EPHA5: variants seen among roughly 807,000 people sequenced by gnomAD.
EPHA5 encodes EPH receptor A5, also known as ephrin type-A receptor 5.
A neutral mutation model predicts 105.0 loss-of-function variants in EPHA5; 60 were observed. The observed-to-expected ratio is 0.57, with a 90% CI of 0.46 to 0.71. The LOEUF (loss-of-function observed/expected upper bound fraction) is 0.71. EPHA5 is among the 30% of genes least tolerant of loss of function. EPHA5 has a pLI of 0.00. For synonymous variants in EPHA5, 513 were observed against 449.1 expected (o/e 1.14, Z -1.80); for missense variants, 1,218 against 1,274.7 (o/e 0.96, Z 0.68).
chr4:65,453,822 C>T (rs529670255), intron 5 of EPHA5, among the ~76,000 whole-genome samples: 1 of 152,312 alleles, frequency 6.6e-6, no homozygotes, highest in African/African-American at 2.4e-5. Context: ...TCTGTCAAGT[C>T]ACCCACTTTT....
At chr4:65,595,737 C>A (rs181691105) in intron 3 of EPHA5, among the ~76,000 whole-genome samples, 1 of 151,988 alleles carries the variant, frequency 6.6e-6, no homozygotes, top group Non-Finnish European at 1.5e-5. Flanking sequence ...CCCGCCACCA[C>A]GCCGGGCTAA....
chr4:65,412,501 T>C (rs995527389), intron 7 of EPHA5, among the ~76,000 whole-genome samples: 43 of 152,278 alleles, frequency 2.8e-4, no homozygotes, highest in African/African-American at 9.9e-4. Flanking sequence ...ATACATTCAT[T>C]CTTTAAAAAG....
At chr4:65,354,282 A>G (rs1481061774) in intron 11 of EPHA5, among the ~76,000 whole-genome samples, 1 of 151,856 alleles carries the variant, frequency 6.6e-6, no homozygotes, top group African/African-American at 2.4e-5. Flanking sequence ...GACCAAGAGA[A>G]TAGATCATCT....
chr4:65,390,811 G>C (rs1038583811), intron 8 of EPHA5, among the ~76,000 whole-genome samples: 21 of 152,012 alleles, frequency 1.4e-4, no homozygotes, highest in African/African-American at 5.1e-4. Flanking sequence ...CCATTTTTCT[G>C]TGAGATTAAA....
At chr4:65,397,072 G>A (rs573598973) in intron 8 of EPHA5, among the ~76,000 whole-genome samples, 1 of 152,358 alleles carries the variant, frequency 6.6e-6, no homozygotes, top group Admixed American at 6.5e-5. Context: ...TGGACAGCAG[G>A]AGGAGGCCAC....
At chr4:65,580,746 T>C (rs1196735490) in intron 3 of EPHA5, among the ~76,000 whole-genome samples, 1 of 151,138 alleles carries the variant, frequency 6.6e-6, no homozygotes, top group Non-Finnish European at 1.5e-5. Flanking sequence ...CAGACCCTTA[T>C]CAGCCTGGAG....
chr4:65,467,114 C>A (rs2149147986), intron 5 of EPHA5, among the ~76,000 whole-genome samples: 1 of 152,216 alleles, frequency 6.6e-6, no homozygotes, highest in East Asian at 1.9e-4. Flanking sequence ...ATTTGTCTTC[C>A]AATGGACCAC....
intron 3 of EPHA5, among the ~76,000 whole-genome samples, chr4:65,547,904 T>C (rs1560680685): frequency 6.6e-6 from 1 of 152,024 alleles, no homozygotes. Context: ...CTTCAGATTA[T>C]CAAAATTCCT....
chr4:65,527,251 A>G (rs1204456828), intron 3 of EPHA5, among the ~76,000 whole-genome samples: 5 of 152,158 alleles, frequency 3.3e-5, no homozygotes, highest in Non-Finnish European at 2.9e-5. Context: ...GAAAGAACCT[A>G]TAATAGAATA....
Position 65,501,906 on chromosome 4 carries a change from C to T in EPHA5, c.911-6363G>A, listed in dbSNP as rs370544132. 5.2e-4 allele frequency among the ~76,000 whole-genome samples: 79 copies of T among 151,672 alleles called. No individual in the cohort carries two copies. The South Asian group carries it at 5.6e-3, about 11-fold the overall frequency. The stretch of plus-strand genomic sequence containing the variant: ...CACGGTACTGGTAGAAAAACAGACA[C>T]ATAAACGAATGGAACATAATAGAGA... On this transcript the variant is annotated intron_variant, in intron 3 of 16. Transcript: ENST00000613740.
intron 16 of EPHA5, chr4:65,330,961 C>T (rs1720558324): frequency 7.7e-6 from 8 of 1,043,650 alleles, no homozygotes; most frequent in African/African-American, 1.7e-5. Flanking sequence ...AATGGTGGTA[C>T]CCTGTTACCT....
At chr4:65,546,052 A>G (rs993939735) in intron 3 of EPHA5, among the ~76,000 whole-genome samples, 1 of 151,982 alleles carries the variant, frequency 6.6e-6, no homozygotes, top group Admixed American at 6.6e-5. Context: ...GTAATAAACA[A>G]TATGTAAATA....
chr4:65,662,446 C>T (rs1249785317), intron 1 of EPHA5, among the ~76,000 whole-genome samples: 3 of 152,114 alleles, frequency 2.0e-5, no homozygotes, highest in Non-Finnish European at 4.4e-5. Context: ...GGGCAATAGT[C>T]CAGCAACTAA....
At chr4:65,542,214 GAAGAT>G (rs1046656285) in intron 3 of EPHA5, among the ~76,000 whole-genome samples, 1 of 151,880 alleles carries the variant, frequency 6.6e-6, no homozygotes, top group Non-Finnish European at 1.5e-5. Context: ...AAAGCTAGCA[GAAGAT>G]AAGAAATAAC....
At chr4:65,522,174 A>AAGG (rs1219148434) in intron 3 of EPHA5, among the ~76,000 whole-genome samples, 2 of 151,738 alleles carry the variant, frequency 1.3e-5, no homozygotes, top group African/African-American at 4.8e-5. Flanking sequence ...TGTATCTTTC[A>AAGG]AGGAGGCTTT....
intron 3 of EPHA5, among the ~76,000 whole-genome samples, chr4:65,569,982 C>G (rs761028886): frequency 1.3e-5 from 2 of 151,766 alleles, no homozygotes; most frequent in Non-Finnish European, 3.0e-5. Flanking sequence ...TCTAAGTTAG[C>G]AACAACATAT....
At chr4:65,630,812 A>G (rs1448950242) in intron 2 of EPHA5, among the ~76,000 whole-genome samples, 2 of 152,190 alleles carry the variant, frequency 1.3e-5, no homozygotes, top group African/African-American at 2.4e-5. Flanking sequence ...GTCATTTTAC[A>G]TTAAATGAAA....
intron 2 of EPHA5, among the ~76,000 whole-genome samples, chr4:65,632,451 T>A (rs2149493365): frequency 6.6e-6 from 1 of 151,838 alleles, no homozygotes; most frequent in African/African-American, 2.4e-5. Flanking sequence ...TAAAGTATTA[T>A]TGGCTCAGCT....
chr4:65,520,422 C>A (rs561297939), intron 3 of EPHA5, among the ~76,000 whole-genome samples: 4 of 152,214 alleles, frequency 2.6e-5, no homozygotes, highest in Non-Finnish European at 4.4e-5. Context: ...ACCATAAAAA[C>A]CCTAGAAGAA....
Sources: gnomAD v4.1 joint callset for allele counts (sites outside exome capture counted in the v4.1 genomes callset) on GRCh38, gnomAD v4.1.1 for gene constraint, MANE v1.5 for transcripts, NCBI Gene and HGNC (gene_info 2026-07-23, HGNC 2026-07-21) for gene names.